NKAIN2: variants seen among roughly 807,000 people sequenced by gnomAD.
The protein encoded by NKAIN2 is sodium/potassium-transporting ATPase subunit beta-1-interacting protein 2.
In NKAIN2, 14 loss-of-function variants were observed where a neutral mutation model predicts 32.6. That is an observed-to-expected ratio of 0.43 (90% CI 0.28 to 0.67). The LOEUF (loss-of-function observed/expected upper bound fraction) is 0.67. NKAIN2 is among the 30% of genes least tolerant of loss of function. NKAIN2 has a pLI of 0.17. For synonymous variants in NKAIN2, 80 were observed against 87.2 expected (o/e 0.92, Z 0.46); for missense variants, 198 against 258.3 (o/e 0.77, Z 1.60).
chr6:123,850,386 G>A (rs1775289383), intron 1 of NKAIN2, among the ~76,000 whole-genome samples: 2 of 141,052 alleles, frequency 1.4e-5, no homozygotes, highest in African/African-American at 2.6e-5. Flanking sequence ...ACACACACAC[G>A]TATATATTTT....
intron 1 of NKAIN2, among the ~76,000 whole-genome samples, chr6:124,152,868 G>A (rs182010325): frequency 3.4e-4 from 52 of 152,008 alleles, no homozygotes; most frequent in African/African-American, 1.2e-3. Context: ...GATGGAACTG[G>A]AGGATGTTTT....
intron 1 of NKAIN2, among the ~76,000 whole-genome samples, chr6:124,172,281 T>C (rs1788932691): frequency 6.6e-6 from 1 of 152,214 alleles, no homozygotes; most frequent in Non-Finnish European, 1.5e-5. Context: ...TCAAAACCAG[T>C]ATTTTCTCAG....
intron 1 of NKAIN2, among the ~76,000 whole-genome samples, chr6:123,883,642 A>T (rs528315960): frequency 0.012 from 703 of 60,990 alleles, 5 homozygotes; most frequent in African/African-American, 0.03. Flanking sequence ...CCTCTTTTTT[A>T]AAAAAAAATT....
At chr6:123,819,138 T>A (rs1219773982) in intron 1 of NKAIN2, among the ~76,000 whole-genome samples, 1 of 152,124 alleles carries the variant, frequency 6.6e-6, no homozygotes, top group Non-Finnish European at 1.5e-5. Flanking sequence ...TATTTCTTAG[T>A]ATATTGTTCT....
intron 1 of NKAIN2, among the ~76,000 whole-genome samples, chr6:124,043,996 C>G (rs779002884): frequency 2.6e-5 from 4 of 151,992 alleles, no homozygotes; most frequent in Non-Finnish European, 5.9e-5. Flanking sequence ...ACAAGTATTC[C>G]AGACCTAAAA....
intron 4 of NKAIN2, among the ~76,000 whole-genome samples, chr6:124,773,316 G>A (rs1034473506): frequency 6.6e-6 from 1 of 152,104 alleles, no homozygotes; most frequent in African/African-American, 2.4e-5. Context: ...AGGAGGGAGA[G>A]AGAAGAGGTG....
intron 4 of NKAIN2, among the ~76,000 whole-genome samples, chr6:124,703,354 A>T (rs1456864438): frequency 6.6e-6 from 1 of 152,076 alleles, no homozygotes; most frequent in Non-Finnish European, 1.5e-5. Context: ...ACTTTAAATC[A>T]TGAGTACTGA....
intron 3 of NKAIN2, among the ~76,000 whole-genome samples, chr6:124,575,102 A>G (rs1442597511): frequency 6.6e-6 from 1 of 152,172 alleles, no homozygotes; most frequent in Admixed American, 6.5e-5. Flanking sequence ...CTTTTTCTGA[A>G]AAGAATCAAG....
rs571312253 is a variant in NKAIN2, at chr6:124,750,175, T to C, written c.475-41164T>C. ...TTGAAATAATACACATGAAAGCGTA[T>C]AACACAACGTCTGTCATATGATGGA... On this transcript the variant is annotated intron_variant, in intron 4 of 6. Transcript: ENST00000368417. Among the ~76,000 whole-genome samples, 241 of 151,962 alleles carry C rather than the reference T, an allele frequency of 1.6e-3. 3 individuals carry two copies. Among genetic ancestry groups the C allele is most frequent in the African/African-American group, 5.3e-3 (222 of 41,522 alleles).
intron 1 of NKAIN2, among the ~76,000 whole-genome samples, chr6:123,884,932 G>T (rs965141921): frequency 6.6e-6 from 1 of 152,068 alleles, no homozygotes; most frequent in African/African-American, 2.4e-5. Flanking sequence ...AGCTAATTCT[G>T]TTGATTATTT....
chr6:124,351,781 C>T (rs1798745605), intron 2 of NKAIN2, among the ~76,000 whole-genome samples: 1 of 152,000 alleles, frequency 6.6e-6, no homozygotes, highest in South Asian at 2.1e-4. Context: ...TGCCACCATG[C>T]CTGGCTAATT....
At chr6:124,446,693 C>G (rs527363604) in intron 3 of NKAIN2, among the ~76,000 whole-genome samples, 1 of 151,994 alleles carries the variant, frequency 6.6e-6, no homozygotes, top group Non-Finnish European at 1.5e-5. Context: ...GATATATATG[C>G]TTGTATTCTA....
chr6:124,306,863 A>G (rs1796523832), intron 2 of NKAIN2, among the ~76,000 whole-genome samples: 2 of 152,162 alleles, frequency 1.3e-5, no homozygotes, highest in Non-Finnish European at 2.9e-5. Context: ...CAAGTAAGCT[A>G]AACAATATTA....
At chr6:124,418,561 AAT>A (rs1026567368) in intron 3 of NKAIN2, among the ~76,000 whole-genome samples, 1 of 138,666 alleles carries the variant, frequency 7.2e-6, no homozygotes, top group Non-Finnish European at 1.5e-5. Flanking sequence ...ATATATATAA[AAT>A]ATATATATAA....
At chr6:124,819,742 C>G (rs1781318094) in intron 6 of NKAIN2, among the ~76,000 whole-genome samples, 1 of 152,122 alleles carries the variant, frequency 6.6e-6, no homozygotes, top group Non-Finnish European at 1.5e-5. Context: ...AGTATCTCTT[C>G]TCTTCAACTC....
chr6:124,819,236 T>C, intron 6 of NKAIN2: 2 of 311,416 alleles, frequency 6.4e-6, no homozygotes, highest in Non-Finnish European at 9.3e-6. Context: ...TTGTTGTCGT[T>C]GTCCTCCACC....
Position 123,976,290 on chromosome 6 carries a change from TATGTTTCC to T in NKAIN2, c.54+172039_54+172046del, listed in dbSNP as rs1220898824. Among the ~76,000 whole-genome samples, 118 of 113,644 alleles carry T rather than the reference TATGTTTCC, an allele frequency of 1.0e-3. 9 individuals carry two copies. The highest frequency in any genetic ancestry group is 4.1e-3 in the South Asian group (14 of 3,454). The allele number at this position is 113,644 out of a possible 152,430, so 74.6% of individuals were successfully genotyped here. A position where few individuals can be genotyped will look rare whatever the true frequency, so the allele number is the denominator to read the frequency against. ...GTTTCCATATATATGTTTCCATATA[TATGTTTCC>T]ATATATATGTTTCCATATATATATA... On this transcript the variant is annotated intron_variant, in intron 1 of 6. Transcript: ENST00000368417.
chr6:124,769,663 T>C (rs560171604), intron 4 of NKAIN2, among the ~76,000 whole-genome samples: 1 of 152,328 alleles, frequency 6.6e-6, no homozygotes, highest in South Asian at 2.1e-4. Flanking sequence ...TGATTCCTCT[T>C]ACTTATTGTT....
intron 1 of NKAIN2, among the ~76,000 whole-genome samples, chr6:124,245,164 A>G (rs1793329398): frequency 6.6e-6 from 1 of 151,894 alleles, no homozygotes. Flanking sequence ...TTCTTTTTTC[A>G]CCTAAGTGTG....
Sources: gnomAD v4.1 joint callset for allele counts (sites outside exome capture counted in the v4.1 genomes callset) on GRCh38, gnomAD v4.1.1 for gene constraint, MANE v1.5 for transcripts, NCBI Gene and HGNC (gene_info 2026-07-23, HGNC 2026-07-21) for gene names.